ITPKB: variants seen among roughly 807,000 people sequenced by gnomAD.
The protein encoded by ITPKB is inositol-trisphosphate 3-kinase B.
In ITPKB, 13 loss-of-function variants were observed where a neutral mutation model predicts 69.4. The ratio of observed to expected loss-of-function variants is 0.19; its 90% confidence interval spans 0.12 to 0.30. The LOEUF is 0.30. Among genes scored for constraint, ITPKB ranks in the 10% least tolerant of loss-of-function variants. ITPKB has a pLI of 1.00. For missense variants in ITPKB, 1,240 were observed against 1,250.5 expected (o/e 0.99, Z 0.13); for synonymous variants, 584 against 513.7 (o/e 1.14, Z -1.85).
At chr1:226,718,675 C>G (rs1657155594) in intron 2 of ITPKB, among the ~76,000 whole-genome samples, 1 of 152,134 alleles carries the variant, frequency 6.6e-6, no homozygotes, top group South Asian at 2.1e-4. Flanking sequence ...GCATACCTAC[C>G]AGAGTGGCTA....
In ITPKB at chr1:226,739,251, G is replaced by C. The variant is rs1657918259; in HGVS notation, c.-416C>G. ...GCAGTGGCGACGCCAAGCCGGCCCT[G>C]CACGCCCTTTTCGACCGTGGAGATA... On this transcript the variant is annotated 5_prime_UTR_variant, in exon 1 of 8. Transcript: ENST00000429204. 1 of 151,808 alleles carries C rather than the reference G, an allele frequency of 6.6e-6. No homozygotes were observed. Among genetic ancestry groups the C allele is most frequent in the African/African-American group, 2.4e-5 (1 of 41,318 alleles). The allele number at this position is 151,808 out of a possible 1,614,324, so 9.4% of individuals were successfully genotyped here.
intron 2 of ITPKB, among the ~76,000 whole-genome samples, chr1:226,686,825 C>G (rs1656226249): frequency 6.6e-6 from 1 of 152,248 alleles, no homozygotes; most frequent in African/African-American, 2.4e-5. Flanking sequence ...GCACATGCCA[C>G]TGTGCCCTGG....
At chr1:226,669,645 C>T (rs538493848) in intron 2 of ITPKB, among the ~76,000 whole-genome samples, 1 of 152,188 alleles carries the variant, frequency 6.6e-6, no homozygotes, top group South Asian at 2.1e-4. Flanking sequence ...GCAAAGACAC[C>T]TGCAAACCAA....
rs758139747 is a variant in ITPKB, at chr1:226,736,096, C to A, written c.1363G>T (p.Gly455Cys). 1 of 1,608,394 alleles carries A rather than the reference C, an allele frequency of 6.2e-7. No homozygotes were observed. Among genetic ancestry groups the A allele is most frequent in the Non-Finnish European group, 8.5e-7 (1 of 1,176,890 alleles). The change falls in exon 2 of 8, where the codon GGC (glycine) becomes TGC (cysteine). Residue 455 changes from glycine (G) to cysteine (C), a missense_variant. Gly to Cys is a radical substitution (Grantham distance 159, BLOSUM62 -3). Transcript: ENST00000429204. ...GTCCCCGGCTGTGCTGAGGGGCTGC[C>A]CCCAAGCAAGCCCAGCGTTGGGGAC... is the stretch of plus-strand genomic sequence containing the variant. ...GGSPTLGLLG[G>C]SPSAQPGTGN...
At chr1:226,722,940 C>T (rs1657289031) in intron 2 of ITPKB, among the ~76,000 whole-genome samples, 4 of 152,188 alleles carry the variant, frequency 2.6e-5, no homozygotes, top group Admixed American at 2.6e-4. Flanking sequence ...CCTGCTCCCC[C>T]TGCCCCCCAC....
chr1:226,688,054 G>C (rs1656255818), intron 2 of ITPKB, among the ~76,000 whole-genome samples: 1 of 152,196 alleles, frequency 6.6e-6, no homozygotes. Flanking sequence ...TACACCCAAA[G>C]TAGAAGCCAT....
At chr1:226,659,170 C>A (rs944924133) in intron 2 of ITPKB, among the ~76,000 whole-genome samples, 4 of 152,152 alleles carry the variant, frequency 2.6e-5, no homozygotes, top group Admixed American at 2.6e-4. Context: ...CCTGTTGCAA[C>A]TAGAGGCCTA....
intron 2 of ITPKB, among the ~76,000 whole-genome samples, chr1:226,726,806 T>C (rs1657434204): frequency 6.6e-6 from 1 of 152,168 alleles, no homozygotes. Context: ...GTTTTTTTAG[T>C]AGTTTGTCAA....
chr1:226,649,853 C>A (rs199667902), intron 2 of ITPKB, among the ~76,000 whole-genome samples: 410 of 141,032 alleles, frequency 2.9e-3, no homozygotes, highest in Non-Finnish European at 3.3e-3. Context: ...AACAAAAAAA[C>A]AAAAAAAAAA....
In ITPKB at chr1:226,707,632, A is replaced by C. The variant is rs79036951; in HGVS notation, c.1932+27895T>G. 7.0e-6 allele frequency: 7 copies of C among 1,000,222 alleles called. No homozygotes were observed. The South Asian group carries it at 1.3e-4, about 18-fold the overall frequency. The allele number at this position is 1,000,222 out of a possible 1,614,324, so 62.0% of individuals were successfully genotyped here. A position where few individuals can be genotyped will look rare whatever the true frequency, so the allele number is the denominator to read the frequency against. On this transcript the variant is annotated intron_variant, in intron 2 of 7. Coordinates refer to ENST00000429204, the MANE Select transcript of ITPKB (RefSeq NM_002221.4). ...CAATGGGGATAAATAGGCAGTGTAC[A>C]CATGAGTAACTCAAGGCCATCATCA...
At chr1:226,667,303 C>T (rs1168018216) in intron 2 of ITPKB, among the ~76,000 whole-genome samples, 1 of 152,128 alleles carries the variant, frequency 6.6e-6, no homozygotes, top group Non-Finnish European at 1.5e-5. Context: ...AGTTGGGAAT[C>T]GATAAATATA....
intron 2 of ITPKB, among the ~76,000 whole-genome samples, chr1:226,718,158 G>A (rs1657139861): frequency 6.6e-6 from 1 of 152,024 alleles, no homozygotes; most frequent in South Asian, 2.1e-4. Flanking sequence ...GCCAGGTGTG[G>A]TGGCGGGCAC....
intron 2 of ITPKB, among the ~76,000 whole-genome samples, chr1:226,718,406 C>T (rs752630367): frequency 1.4e-4 from 21 of 151,954 alleles, no homozygotes; most frequent in Non-Finnish European, 2.1e-4. Context: ...CCAGCCTTGG[C>T]GACACAGCAA....
At chr1:226,681,745 C>T (rs1467291341) in intron 2 of ITPKB, among the ~76,000 whole-genome samples, 2 of 152,184 alleles carry the variant, frequency 1.3e-5, no homozygotes, top group Non-Finnish European at 2.9e-5. Flanking sequence ...AAAAAGGGAG[C>T]AAATGCAGGT....
At chr1:226,724,919 C>T (rs1657362010) in intron 2 of ITPKB, among the ~76,000 whole-genome samples, 1 of 152,198 alleles carries the variant, frequency 6.6e-6, no homozygotes, top group Non-Finnish European at 1.5e-5. Flanking sequence ...TCATTCCAGC[C>T]TCCGTGAGCC....
chr1:226,693,453 G>GATCA (rs1472263754), intron 2 of ITPKB, among the ~76,000 whole-genome samples: 1 of 152,192 alleles, frequency 6.6e-6, no homozygotes. Flanking sequence ...GGTCCGTAGA[G>GATCA]ATCACTGCCT....
At chr1:226,725,745 G>C (rs549161670) in intron 2 of ITPKB, among the ~76,000 whole-genome samples, 1 of 152,272 alleles carries the variant, frequency 6.6e-6, no homozygotes, top group Non-Finnish European at 1.5e-5. Flanking sequence ...AACCACAGCC[G>C]GAGGAGGCTG....
intron 2 of ITPKB, among the ~76,000 whole-genome samples, chr1:226,657,666 G>A (rs188718174): frequency 6.6e-6 from 1 of 152,284 alleles, no homozygotes; most frequent in African/African-American, 2.4e-5. Flanking sequence ...TAATAGCTCA[G>A]GTAACTCTCA....
At chr1:226,719,972 G>C (rs189218834) in intron 2 of ITPKB, among the ~76,000 whole-genome samples, 1 of 152,368 alleles carries the variant, frequency 6.6e-6, no homozygotes, top group Admixed American at 6.5e-5. Flanking sequence ...GCCCTGCTAT[G>C]TCTGCAGCAA....
Sources: gnomAD v4.1 joint callset for allele counts (sites outside exome capture counted in the v4.1 genomes callset) on GRCh38, gnomAD v4.1.1 for gene constraint, MANE v1.5 for transcripts, NCBI Gene and HGNC (gene_info 2026-07-23, HGNC 2026-07-21) for gene names.